The following C8orf34 variants were observed in gnomAD, a reference collection of about 807,000 sequenced individuals.
C8orf34 encodes the protein chromosome 8 open reading frame 34, also known as uncharacterized protein C8orf34.
C8orf34 carries 65 observed loss-of-function variants against 68.3 expected under a neutral mutation model. The observed-to-expected ratio is 0.95, with a 90% CI of 0.78 to 1.17. The LOEUF is 1.17. Ranked by LOEUF, C8orf34 falls within the 50% of genes most tolerant of loss-of-function variation. C8orf34 has a pLI of 0.00. For missense variants in C8orf34, 664 were observed against 655.4 expected, an observed-to-expected ratio of 1.01 and a Z score of -0.14; for synonymous variants, 244 against 241.2, an observed-to-expected ratio of 1.01 and a Z score of -0.11.
chr8:68,376,981 C>CA (rs1807829252), intron 1 of C8orf34, among the ~76,000 whole-genome samples: 1 of 152,122 alleles, frequency 6.6e-6, no homozygotes, highest in African/African-American at 2.4e-5. Flanking sequence ...CCCAGTGGAG[C>CA]AACGGATGCA....
intron 6 of C8orf34, among the ~76,000 whole-genome samples, chr8:68,532,016 C>T (rs561377978): frequency 2.6e-5 from 4 of 152,152 alleles, no homozygotes; most frequent in South Asian, 4.2e-4. Flanking sequence ...GGGGAATTGA[C>T]GATTCTCACT....
intron 1 of C8orf34, chr8:68,438,328 A>T (rs1169283666): frequency 6.6e-6 from 1 of 152,176 alleles, no homozygotes; most frequent in Non-Finnish European, 1.5e-5. Context: ...GGAAGATAAA[A>T]TGATAAAATA....
chr8:68,524,435 G>T (rs921323658), intron 6 of C8orf34, among the ~76,000 whole-genome samples: 1 of 152,206 alleles, frequency 6.6e-6, no homozygotes, highest in Non-Finnish European at 1.5e-5. Context: ...CTGTGAGGGT[G>T]ATAAATGGAA....
In C8orf34 at chr8:68,529,262, A is replaced by G. The variant is rs1815145201; in HGVS notation, c.939-3721A>G. Reference sequence around the variant, plus strand: ...CCACCTATTGAAAGCAACCTTGTCAATGTCACAGGACGACCTCTTGTCCAA... The same window carrying G: ...CCACCTATTGAAAGCAACCTTGTCAGTGTCACAGGACGACCTCTTGTCCAA... On this transcript the variant is annotated intron_variant, in intron 6 of 13. Coordinates refer to ENST00000518698, the MANE Select transcript of C8orf34 (RefSeq NM_052958.4). Among the ~76,000 whole-genome samples the G allele has an allele frequency of 2.6e-5, 4 of 152,202 alleles. 1 individual carries two copies. The South Asian group carries it at 6.2e-4, about 24-fold the overall frequency.
At chr8:68,396,793 G>T (rs1325765718) in intron 1 of C8orf34, among the ~76,000 whole-genome samples, 1 of 138,522 alleles carries the variant, frequency 7.2e-6, no homozygotes, top group Admixed American at 7.9e-5. Context: ...TGTGATCTCT[G>T]CACAGCCAGC....
intron 1 of C8orf34, among the ~76,000 whole-genome samples, chr8:68,350,264 C>CTT (rs374580916): frequency 4.1e-5 from 6 of 145,168 alleles, no homozygotes; most frequent in African/African-American, 7.6e-5. Flanking sequence ...CATAGTCTTG[C>CTT]TTTTTTTTTT....
chr8:68,614,799 A>T (rs1034152684), intron 7 of C8orf34, among the ~76,000 whole-genome samples: 1 of 152,174 alleles, frequency 6.6e-6, no homozygotes, highest in South Asian at 2.1e-4. Context: ...CATGAACTTT[A>T]AAGTAGTTTT....
intron 5 of C8orf34, among the ~76,000 whole-genome samples, chr8:68,512,342 G>T (rs1249310750): frequency 2.6e-5 from 4 of 152,094 alleles, no homozygotes; most frequent in African/African-American, 4.8e-5. Context: ...CATCATTTTG[G>T]CAATCCCGTG....
intron 7 of C8orf34, among the ~76,000 whole-genome samples, chr8:68,552,066 C>G (rs1367428710): frequency 6.6e-6 from 1 of 152,100 alleles, no homozygotes; most frequent in Non-Finnish European, 1.5e-5. Context: ...TCTGGACTCT[C>G]AATTTTATTC....
At chr8:68,645,246 A>T (rs2130754561) in intron 8 of C8orf34, among the ~76,000 whole-genome samples, 1 of 152,244 alleles carries the variant, frequency 6.6e-6, no homozygotes, top group South Asian at 2.1e-4. Context: ...CCTTGGAGAT[A>T]ATTTCCAAGG....
intron 10 of C8orf34, among the ~76,000 whole-genome samples, chr8:68,774,903 T>G (rs1206119961): frequency 7.2e-6 from 1 of 139,542 alleles, no homozygotes; most frequent in Non-Finnish European, 1.5e-5. Flanking sequence ...AGTCAGGAGT[T>G]CGAGACCACC....
chr8:68,483,199 C>T (rs147587144), intron 4 of C8orf34, among the ~76,000 whole-genome samples: 29 of 152,242 alleles, frequency 1.9e-4, no homozygotes, highest in Middle Eastern at 3.4e-3. Context: ...GCTCTTATTT[C>T]GCTTATAGGA....
intron 10 of C8orf34, among the ~76,000 whole-genome samples, 177 bp from the exon 11 acceptor site, chr8:68,776,217 CTCTTT>C (rs1395872820): frequency 6.6e-6 from 1 of 152,040 alleles, no homozygotes; most frequent in South Asian, 2.1e-4. Context: ...TTTGCAAAAA[CTCTTT>C]TCTTTTTTTT....
At chr8:68,534,697 A>G (rs527936254) in intron 7 of C8orf34, 3 of 985,404 alleles carry the variant, frequency 3.0e-6, no homozygotes, top group African/African-American at 1.7e-5. Context: ...ATTGTGCTCC[A>G]TAACTATACC....
At chr8:68,471,915 G>T (rs968039602) in intron 4 of C8orf34, among the ~76,000 whole-genome samples, 3 of 128,050 alleles carry the variant, frequency 2.3e-5, no homozygotes, top group African/African-American at 9.1e-5. Context: ...AGCTTTTAGA[G>T]ACTTAAATGA....
chr8:68,339,931 A>C (rs1317216073), intron 1 of C8orf34, among the ~76,000 whole-genome samples: 1 of 152,096 alleles, frequency 6.6e-6, no homozygotes, highest in Non-Finnish European at 1.5e-5. Context: ...AAACACTATG[A>C]TAAGAAGAGA....
At chr8:68,811,438 C>T (rs572117214) in intron 12 of C8orf34, among the ~76,000 whole-genome samples, 1 of 152,306 alleles carries the variant, frequency 6.6e-6, no homozygotes, top group African/African-American at 2.4e-5. Context: ...TTGGGCGGGG[C>T]TCCCACCCTG....
At chr8:68,450,019 G>T (rs1811281118) in intron 3 of C8orf34, among the ~76,000 whole-genome samples, 1 of 152,146 alleles carries the variant, frequency 6.6e-6, no homozygotes, top group Non-Finnish European at 1.5e-5. Flanking sequence ...CTAAGTTGAT[G>T]CAATATTTTA....
chr8:68,622,326 T>C (rs1818411831), intron 7 of C8orf34, among the ~76,000 whole-genome samples: 1 of 152,180 alleles, frequency 6.6e-6, no homozygotes, highest in Non-Finnish European at 1.5e-5. Flanking sequence ...TCCAGATGAC[T>C]TTCAATGAGG....
Sources: gnomAD v4.1 joint callset for allele counts (sites outside exome capture counted in the v4.1 genomes callset) on GRCh38, gnomAD v4.1.1 for gene constraint, MANE v1.5 for transcripts, NCBI Gene and HGNC (gene_info 2026-07-23, HGNC 2026-07-21) for gene names.